Variants in ZNF185 observed in about 807,000 individuals in gnomAD.
The protein encoded by ZNF185 is zinc finger protein 185 with LIM domain.
A neutral mutation model predicts 58.6 loss-of-function variants in ZNF185; 56 were observed. The ratio of observed to expected loss-of-function variants is 0.95; its 90% CI spans 0.77 to 1.19. The LOEUF is 1.19. Ranked by LOEUF, ZNF185 falls within the 50% of genes most tolerant of loss-of-function variation. ZNF185 has a pLI of 0.00. For synonymous variants in ZNF185, 230 were observed against 215.9 expected (o/e 1.07, Z -0.57); for missense variants, 627 against 573.5 (o/e 1.09, Z -0.95).
the ZNF185 span, among the ~76,000 whole-genome samples, chrX:152,907,021 G>A: frequency 1.4e-4 from 16 of 111,220 alleles, no homozygotes; most frequent in African/African-American, 5.2e-4. Context: ...CTAATCCCCT[G>A]CGAGCCAGCT....
intron 11 of ZNF185, among the ~76,000 whole-genome samples, chrX:152,923,690 C>T (rs551315708): frequency 8.9e-6 from 1 of 112,051 alleles, no homozygotes; most frequent in Non-Finnish European, 1.9e-5. Flanking sequence ...TCATAAGGAG[C>T]GCACAATCTA....
At chrX:152,928,493 G>A in intron 11 of ZNF185, 82 bp from the exon 13 acceptor site, 1 of 1,006,742 alleles carries the variant, frequency 9.9e-7, no homozygotes. Context: ...AGTGGGTCTG[G>A]GCGGCCCACC....
chrX:152,929,785 T>C (rs12689090), intron 12 of ZNF185, among the ~76,000 whole-genome samples: 18,798 of 111,747 alleles, frequency 0.17, 1,423 homozygotes, highest in Non-Finnish European at 0.24. Context: ...GCCAGCCCCC[T>C]GCAGAAAGCC....
intron 15 of ZNF185, among the ~76,000 whole-genome samples, chrX:152,940,729 G>A (rs2047091447): frequency 8.9e-6 from 1 of 112,503 alleles, no homozygotes; most frequent in African/African-American, 3.2e-5. Context: ...TCCCCCAGGA[G>A]AGACAGCTTT....
At chrX:152,941,511 C>T (rs1363137026) in intron 15 of ZNF185, among the ~76,000 whole-genome samples, 1 of 113,026 alleles carries the variant, frequency 8.8e-6, no homozygotes, top group Admixed American at 9.2e-5. Context: ...TCACCTTCCC[C>T]GAAATCTGGG....
chrX:152,957,271 A>G (rs2048945731), intron 16 of ZNF185, among the ~76,000 whole-genome samples: 1 of 106,594 alleles, frequency 9.4e-6, no homozygotes, highest in African/African-American at 3.5e-5. Context: ...AGGGGGTTTC[A>G]TCATGTTGGC....
chrX:152,931,044 G>A (rs994182503), intron 12 of ZNF185, among the ~76,000 whole-genome samples: 2 of 111,730 alleles, frequency 1.8e-5, no homozygotes, highest in Non-Finnish European at 3.8e-5. Flanking sequence ...ATGGGCATGG[G>A]TGATAACAGT....
exon 16 of ZNF185, chrX:152,945,312 A>G: frequency 4.1e-6 from 5 of 1,209,614 alleles, no homozygotes; most frequent in Non-Finnish European, 5.6e-6. Flanking sequence ...CCAGGGTCGG[A>G]GAGGCCTGGC....
intron 14 of ZNF185, 142 bp downstream of exon 15, chrX:152,933,113 T>C: frequency 2.4e-6 from 1 of 418,471 alleles, no homozygotes; most frequent in Non-Finnish European, 4.1e-6. Flanking sequence ...CACTCCCACA[T>C]TCCACCACAT....
At chrX:152,900,506 A>G in the ZNF185 span, among the ~76,000 whole-genome samples, 1 of 113,258 alleles carries the variant, frequency 8.8e-6, no homozygotes, top group Non-Finnish European at 1.9e-5. Context: ...CCAGTGCCAG[A>G]GAGGAGAGCT....
At chrX:152,938,011 G>A (rs1351770456) in intron 14 of ZNF185, 63 bp from the exon 17 acceptor site, 55 of 1,076,161 alleles carry the variant, frequency 5.1e-5, no homozygotes, top group Non-Finnish European at 6.3e-5. Flanking sequence ...CCTGGAGGGG[G>A]AAGACCTGGG....
At chrX:152,932,405 G>A (rs2045792136) in intron 13 of ZNF185, among the ~76,000 whole-genome samples, 1 of 112,517 alleles carries the variant, frequency 8.9e-6, no homozygotes, top group African/African-American at 3.2e-5. Context: ...CCAGACCAGT[G>A]CCAAATGTGT....
At chrX:152,937,970 C>G in intron 14 of ZNF185, 104 bp from the exon 17 acceptor site, 1 of 749,555 alleles carries the variant, frequency 1.3e-6, no homozygotes, top group Non-Finnish European at 2.0e-6. Context: ...TACTGGAAGA[C>G]ACAGTTCCTC....
In ZNF185 at chrX:152,922,705, C is replaced by T. The variant is rs782280470; in HGVS notation, c.741-15C>T. The T allele has an allele frequency of 1.4e-5, 17 of 1,190,406 alleles. No individual in the cohort carries two copies. The highest frequency in any genetic ancestry group is 1.9e-5 in the Non-Finnish European group (17 of 883,948). ...TGACATCTCCAGAGCCTCTCACAGC[C>T]ACCTTCTTTGCCAGTGCGGATGGAG... On this transcript the variant is annotated splice_polypyrimidine_tract_variant and intron_variant, in intron 10 of 22. Transcript: ENST00000449285.
exon 16 of ZNF185, chrX:152,945,393 C>T: frequency 2.5e-6 from 3 of 1,207,806 alleles, no homozygotes; most frequent in Non-Finnish European, 3.4e-6. Flanking sequence ...CTGCAGATCC[C>T]AGCACCCCAG....
At chrX:152,932,181 C>G (rs1556877970) in intron 13 of ZNF185, among the ~76,000 whole-genome samples, 1 of 112,651 alleles carries the variant, frequency 8.9e-6, no homozygotes, top group African/African-American at 3.2e-5. Context: ...GGCCACCAAG[C>G]TGGCAGTCTG....
chrX:152,919,517 T>C (rs1315258268), intron 7 of ZNF185, among the ~76,000 whole-genome samples: 2 of 111,281 alleles, frequency 1.8e-5, no homozygotes, highest in African/African-American at 6.5e-5. Flanking sequence ...TGCACAGCAG[T>C]GGGAGTGTGC....
chrX:152,909,845 C>T (rs1034857129), upstream of ZNF185, among the ~76,000 whole-genome samples: 16 of 110,861 alleles, frequency 1.4e-4, no homozygotes, highest in African/African-American at 4.6e-4. Context: ...GAAGTCCCTG[C>T]ATCTGTTCAT....
At chrX:152,969,261 C>A in intron 20 of ZNF185, 121 bp from the exon 23 acceptor site, 1 of 535,170 alleles carries the variant, frequency 1.9e-6, no homozygotes, top group Non-Finnish European at 3.1e-6. Context: ...AAAACAGTGG[C>A]ATCCTGGGGA....
Sources: allele counts gnomAD v4.1 joint callset (sites outside exome capture counted in the v4.1 genomes callset), GRCh38; gene constraint gnomAD v4.1.1; transcripts MANE v1.5; gene names NCBI Gene and HGNC (gene_info 2026-07-23, HGNC 2026-07-21).